The following HEATR1 variants were observed in gnomAD, a reference collection of about 807,000 sequenced individuals.
HEATR1 encodes the protein HEAT repeat containing 1, also known as HEAT repeat-containing protein 1.
A neutral mutation model predicts 248.2 loss-of-function variants in HEATR1; 77 were observed. The observed-to-expected ratio is 0.31, with a 90% CI of 0.26 to 0.37. The LOEUF (loss-of-function observed/expected upper bound fraction) is 0.37. Among genes scored for constraint, HEATR1 ranks in the 10% least tolerant of loss-of-function variants. The pLI is 1.00. For missense variants in HEATR1, 2,420 were observed against 2,504.9 expected (o/e 0.97, Z 0.72); for synonymous variants, 897 against 923.1 (o/e 0.97, Z 0.51).
chr1:236,554,260 C>T (rs571407647), intron 42 of HEATR1, among the ~76,000 whole-genome samples: 13 of 152,062 alleles, frequency 8.5e-5, no homozygotes, highest in South Asian at 8.3e-4. Context: ...GGTGTGGAGG[C>T]GGGCGCCTGT....
chr1:236,555,781 TTG>T (rs1558176881), intron 39 of HEATR1, 22 bp downstream of exon 39: 1 of 1,613,994 alleles, frequency 6.2e-7, no homozygotes, highest in African/African-American at 1.3e-5. Context: ...GCTTTAGGAT[TTG>T]GAGGAGTGAA....
At chr1:236,558,558 C>T in intron 35 of HEATR1, 29 bp from the exon 36 acceptor site, 1 of 1,572,836 alleles carries the variant, frequency 6.4e-7, no homozygotes, top group South Asian at 1.2e-5. Context: ...ATCCCCAAAT[C>T]ATTAAAGCTG....
intron 20 of HEATR1, 113 bp from the exon 21 acceptor site, chr1:236,577,062 C>T: frequency 1.4e-6 from 1 of 729,592 alleles, no homozygotes; most frequent in Non-Finnish European, 2.2e-6. Context: ...ATTCAAACTC[C>T]TTCTCTGTTC....
At position 236,596,192 on chromosome 1, in the gene HEATR1, C is replaced by G. The variant is rs370046855; in HGVS notation, c.745-148G>C. On this transcript the variant is annotated intron_variant, in intron 6 of 44. Transcript: ENST00000366582. ...TCTTCAGACATAAACAATAAAGGAGCTGACCCCTTTTTCAGAGTGGATACA... is the reference window on the plus strand; with the variant it reads ...TCTTCAGACATAAACAATAAAGGAGGTGACCCCTTTTTCAGAGTGGATACA... The G allele has an allele frequency of 2.2e-5, 14 of 626,072 alleles. No homozygotes were observed. The African/African-American group carries it at 2.4e-4, about 11-fold the overall frequency. 38.8% of individuals were successfully genotyped at this position (626,072 alleles called of 1,614,324 possible). A position where few individuals can be genotyped will look rare whatever the true frequency, so the allele number is the denominator to read the frequency against.
At chr1:236,596,734 T>C in intron 6 of HEATR1, 102 bp downstream of exon 6, 1 of 1,152,592 alleles carries the variant, frequency 8.7e-7, no homozygotes, top group East Asian at 2.4e-5. Context: ...TCATCTGAAA[T>C]AAACTGTCAA....
chr1:236,600,457 T>C (rs568544720), intron 3 of HEATR1, among the ~76,000 whole-genome samples: 1 of 152,060 alleles, frequency 6.6e-6, no homozygotes, highest in East Asian at 1.9e-4. Context: ...TTCTGCCAAC[T>C]GATCCCTCTT....
intron 22 of HEATR1, 23 bp downstream of exon 22, chr1:236,576,196 C>A (rs1663557305): frequency 1.3e-6 from 2 of 1,557,362 alleles, no homozygotes; most frequent in African/African-American, 1.4e-5. Flanking sequence ...CAGGAATGTA[C>A]AATCCACTTA....
chr1:236,585,133 G>T lies in HEATR1; in HGVS notation c.2133C>A (p.Leu711=), dbSNP rs3738535. The T allele has an allele frequency of 6.2e-7, 1 of 1,613,870 alleles. No individual in the cohort carries two copies. The highest frequency in any genetic ancestry group is 8.5e-7 in the Non-Finnish European group (1 of 1,179,902). ...KVTFHVILSV[L]VSCCSSLKET... is the part of the protein sequence containing the mutation. ...CTTTTAAAGATGAACAACAAGAGAC[G>T]AGCACAGACAGGATCACATGAAACG... The change falls in exon 17 of 45, where the codon CTC becomes CTA. Residue 711 remains leucine (L), a synonymous_variant. Coordinates refer to ENST00000366582, the MANE Select transcript of HEATR1 (RefSeq NM_018072.6).
At chr1:236,567,764 C>T (rs1663313279) in intron 29 of HEATR1, among the ~76,000 whole-genome samples, 1 of 152,172 alleles carries the variant, frequency 6.6e-6, no homozygotes, top group Admixed American at 6.5e-5. Flanking sequence ...GCAGTAATGG[C>T]ACATGCCAAA....
rs777098427 is a variant in HEATR1 at position 236,596,874 on chromosome 1, C to T, written c.706G>A (p.Asp236Asn). The T allele has an allele frequency of 6.2e-7, 1 of 1,614,002 alleles. No homozygotes were observed. The highest frequency in any genetic ancestry group is 8.5e-7 in the Non-Finnish European group (1 of 1,179,948). Residue 236 changes from aspartate (D) to asparagine (N), a missense_variant, in exon 6 of 45, where the codon GAC (aspartate) becomes AAC (asparagine). Transcript: ENST00000366582. ...SALVAAEDVS[D>N]NIIAKLFPYI... ...GGAAATAGTTTGGCGATGATATTGT[C>T]TGATACGTCCTCTGCAGCTACCAGC...
At chr1:236,601,573 C>A (rs985209314) in intron 3 of HEATR1, among the ~76,000 whole-genome samples, 1 of 151,902 alleles carries the variant, frequency 6.6e-6, no homozygotes, top group Non-Finnish European at 1.5e-5. Context: ...GAGGCCGACT[C>A]GGCAGGAGGA....
Position 236,592,622 on chromosome 1 carries a change from T to C in HEATR1, c.1205A>G (p.Glu402Gly), listed in dbSNP as rs761210681. 1 of 1,364,612 alleles carries C rather than the reference T, an allele frequency of 7.3e-7. No individual in the cohort carries two copies. Among genetic ancestry groups the C allele is most frequent in the Admixed American group, 2.0e-5 (1 of 50,968 alleles). The allele number at this position is 1,364,612 out of a possible 1,614,324, so 84.5% of individuals were successfully genotyped here. ...CTGTGAACTATATGAAATATACTCT[T>C]CAAATAGAAGGCTGTAAAAAAAAAA... ...LDHLLASLLF[E>G]EYISYSSQEE... The change falls in exon 10 of 45, where the codon GAA (glutamate) becomes GGA (glycine). Residue 402 changes from glutamate to glycine, a missense_variant. Physicochemically the swap from Glu to Gly is moderately conservative, Grantham distance 98. Transcript: ENST00000366582.
intron 3 of HEATR1, among the ~76,000 whole-genome samples, chr1:236,600,793 T>C (rs1384648558): frequency 1.3e-5 from 2 of 152,044 alleles, no homozygotes; most frequent in African/African-American, 4.8e-5. Flanking sequence ...CCTCAGCCTC[T>C]CAAAGTGCTG....
chr1:236,597,838 C>G, intron 5 of HEATR1, 40 bp downstream of exon 5: 1 of 1,311,954 alleles, frequency 7.6e-7, no homozygotes, highest in South Asian at 1.3e-5. Context: ...AGCAAGCAAT[C>G]TTTTCATAAA....
rs1467656449 is a variant in HEATR1 at position 236,571,632 on chromosome 1, T to C, written c.3762A>G (p.Leu1254=). The C allele has an allele frequency of 6.2e-7, 1 of 1,614,102 alleles. No individual in the cohort carries two copies. Among genetic ancestry groups the C allele is most frequent in the South Asian group, 1.1e-5 (1 of 91,080 alleles). Residue 1254 remains leucine, a synonymous_variant, in exon 27 of 45, where the codon TTA becomes TTG. Transcript: ENST00000366582. The stretch of plus-strand genomic sequence containing the variant: ...AGATGTTGAGCAGACAACTAAGAAT[T>C]AATTGTTTGGTGTATTCCATATTTC... ...EQGNMEYTKQ[L]ILSCLLNICQ... is the part of the protein sequence containing the mutation.
intron 44 of HEATR1, chr1:236,551,281 A>C: frequency 5.2e-6 from 2 of 383,746 alleles, no homozygotes; most frequent in Non-Finnish European, 4.7e-6. Flanking sequence ...CCCCTCCAAG[A>C]GCTAAGAAAC....
chr1:236,563,116 G>A (rs1296493445), intron 32 of HEATR1, among the ~76,000 whole-genome samples: 1 of 152,026 alleles, frequency 6.6e-6, no homozygotes, highest in Non-Finnish European at 1.5e-5. Context: ...TTCCTGAATA[G>A]AAACAATGAC....
intron 14 of HEATR1, 91 bp from the exon 15 acceptor site, chr1:236,586,543 G>T: frequency 1.3e-6 from 1 of 792,212 alleles, no homozygotes; most frequent in South Asian, 1.7e-5. Flanking sequence ...CAGCTTAACT[G>T]ACAATATCCT....
Position 236,571,360 on chromosome 1 carries a change from T to C in HEATR1, c.3939A>G (p.Gly1313=), listed in dbSNP as rs1459614402. 1 of 1,592,716 alleles carries C rather than the reference T, an allele frequency of 6.3e-7. No individual in the cohort carries two copies. Among genetic ancestry groups the C allele is most frequent in the Admixed American group, 1.9e-5 (1 of 52,008 alleles). Residue 1313 remains glycine (G), a synonymous_variant, in exon 28 of 45, where the codon GGA becomes GGG. Coordinates refer to ENST00000366582, the MANE Select transcript of HEATR1 (RefSeq NM_018072.6). ...HALLLLGTVA[G]IFPDKVLHNI... Reference sequence around the variant, plus strand: ...TATCATTAACGCTTACCGGAAATATTCCAGCAACAGTGCCCAAAAGTAAAA... The same window carrying C: ...TATCATTAACGCTTACCGGAAATATCCCAGCAACAGTGCCCAAAAGTAAAA...
Sources: allele counts gnomAD v4.1 joint callset (sites outside exome capture counted in the v4.1 genomes callset), GRCh38; gene constraint gnomAD v4.1.1; transcripts MANE v1.5; gene names NCBI Gene and HGNC (gene_info 2026-07-23, HGNC 2026-07-21).